EIF2S3B: variants seen among roughly 807,000 people sequenced by gnomAD.
EIF2S3B encodes the protein eukaryotic translation initiation factor 2 subunit gamma B, also known as eukaryotic translation initiation factor 2 subunit 3B.
A neutral mutation model predicts 26.4 loss-of-function variants in EIF2S3B; 16 were observed. That is an observed-to-expected ratio of 0.61 (90% CI 0.41 to 0.92). The LOEUF (loss-of-function observed/expected upper bound fraction) is 0.92, where lower values mean the gene tolerates loss of function less well. EIF2S3B is among the 40% of genes least tolerant of loss of function. The pLI is 0.00. For missense variants in EIF2S3B, 510 were observed against 575.5 expected (o/e 0.89, Z 1.16); for synonymous variants, 183 against 204.4 (o/e 0.90, Z 0.89).
intron 1 of EIF2S3B, among the ~76,000 whole-genome samples, chr12:10,515,056 AG>A (rs1864741012): frequency 6.6e-6 from 1 of 152,098 alleles, no homozygotes; most frequent in East Asian, 1.9e-4. Context: ...ATCAATTTCT[AG>A]CCACATTTTT....
downstream of EIF2S3B, among the ~76,000 whole-genome samples, chr12:10,510,268 G>GTTT (rs1864691463): frequency 6.6e-6 from 1 of 152,114 alleles, no homozygotes; most frequent in Non-Finnish European, 1.5e-5. Context: ...ATGTGCACCA[G>GTTT]TACTAAAGGT....
chr12:10,509,338 TG>T (rs1256025894), downstream of EIF2S3B, among the ~76,000 whole-genome samples: 2 of 152,212 alleles, frequency 1.3e-5, no homozygotes, highest in Non-Finnish European at 2.9e-5. Context: ...TACTGTCAGA[TG>T]GCTTGCAAAT....
At chr12:10,512,600 G>A (rs1864716125), downstream of EIF2S3B, among the ~76,000 whole-genome samples, 1 of 151,850 alleles carries the variant, frequency 6.6e-6, no homozygotes, top group Admixed American at 6.6e-5. Flanking sequence ...TCATCTTCTT[G>A]CTTGTCCTCC....
At position 10,506,182 on chromosome 12, in the gene EIF2S3B, C is replaced by G. The variant is rs774579466; in HGVS notation, c.280C>G (p.Pro94Ala). 1 of 1,564,410 alleles carries G rather than the reference C, an allele frequency of 6.4e-7. No individual in the cohort carries two copies. The highest frequency in any genetic ancestry group is 8.8e-7 in the Non-Finnish European group (1 of 1,134,750). ...TGCTAAGATTTATCAACTTGATGAC[C>G]CAAGTTGCCCTCGGCCAGAATGTTA... ...ANAKIYQLDD[P>A]SCPRPECYRS... Residue 94 changes from proline to alanine, a missense_variant, in exon 1 of 1, where the codon CCA becomes GCA. Coordinates refer to ENST00000538173, the MANE Select transcript of EIF2S3B (RefSeq NM_001357734.3).
intron 1 of EIF2S3B, among the ~76,000 whole-genome samples, chr12:10,518,774 A>G (rs1044066273): frequency 5.3e-5 from 8 of 151,710 alleles, no homozygotes; most frequent in Non-Finnish European, 1.2e-4. Flanking sequence ...TTCAAAGAGA[A>G]TAAAATACCT....
Position 10,507,462 on chromosome 12 carries a change from TCTC to T in EIF2S3B, c.*142_*144del. On this transcript the variant is annotated 3_prime_UTR_variant, in exon 1 of 1. Transcript: ENST00000538173. ...TTAGTAGGTAACGGTAAGGTTATTCTCTCTTTTTTTTTTTGGTTATGAAAACTT... is the reference window on the plus strand; with the variant it reads ...TTAGTAGGTAACGGTAAGGTTATTCTTTTTTTTTTTTGGTTATGAAAACTT... The T allele has an allele frequency of 7.2e-6, 7 of 970,266 alleles. No homozygotes were observed. Among genetic ancestry groups the T allele is most frequent in the Non-Finnish European group, 1.1e-5 (7 of 660,590 alleles). The allele number at this position is 970,266 out of a possible 1,614,324, so 60.1% of individuals were successfully genotyped here.
rs373191618 is a variant in EIF2S3B at position 10,519,174 on chromosome 12, T to G, written c.1309-3429T>G. 5.6e-3 allele frequency among the ~76,000 whole-genome samples: 854 copies of G among 151,708 alleles called. 5 individuals are homozygous for G. The highest frequency in any genetic ancestry group is 0.018 in the African/African-American group (759 of 41,098). Reference sequence around the variant, plus strand: ...ACCAAAACAGCGATATAGATCAATGTAACAGAACAGAGCCCTCAGAAATAA... The same window carrying G: ...ACCAAAACAGCGATATAGATCAATGGAACAGAACAGAGCCCTCAGAAATAA... On this transcript the variant is annotated intron_variant, in intron 1 of 1. Transcript: ENST00000322446.
downstream of EIF2S3B, among the ~76,000 whole-genome samples, chr12:10,511,944 T>C (rs1482375618): frequency 6.6e-6 from 1 of 151,734 alleles, no homozygotes; most frequent in African/African-American, 2.4e-5. Context: ...CAATTCTGCC[T>C]CTATTCACCA....
chr12:10,509,912 G>T (rs1591633920), downstream of EIF2S3B, among the ~76,000 whole-genome samples: 1 of 152,010 alleles, frequency 6.6e-6, no homozygotes, highest in Non-Finnish European at 1.5e-5. Context: ...ATTTTTCATT[G>T]TTATTTGCAT....
chr12:10,517,345 T>C (rs1591636180), intron 1 of EIF2S3B, among the ~76,000 whole-genome samples: 1 of 151,460 alleles, frequency 6.6e-6, no homozygotes, highest in South Asian at 2.1e-4. Context: ...CTTGGGAGGG[T>C]GTATGTGTCG....
At chr12:10,520,485 A>G (rs1055013639) in intron 1 of EIF2S3B, among the ~76,000 whole-genome samples, 2 of 150,074 alleles carry the variant, frequency 1.3e-5, no homozygotes, top group African/African-American at 4.9e-5. Flanking sequence ...CATTGTGCAC[A>G]TGTACCCTAA....
chr12:10,516,423 C>G (rs1864758167), intron 1 of EIF2S3B, among the ~76,000 whole-genome samples: 1 of 152,154 alleles, frequency 6.6e-6, no homozygotes, highest in East Asian at 1.9e-4. Context: ...GTGAGCATGA[C>G]AAAGCCCTCA....
chr12:10,517,205 T>C (rs369053648), intron 1 of EIF2S3B, among the ~76,000 whole-genome samples: 4 of 152,092 alleles, frequency 2.6e-5, no homozygotes, highest in East Asian at 1.9e-4. Flanking sequence ...CCTCCTTGTA[T>C]CTCTGGTAGA....
At chr12:10,510,043 ATC>A (rs1197234138), downstream of EIF2S3B, among the ~76,000 whole-genome samples, 2 of 152,164 alleles carry the variant, frequency 1.3e-5, no homozygotes, top group Non-Finnish European at 2.9e-5. Context: ...ACAGTAAGTC[ATC>A]TCTTTTCGAC....
intron 1 of EIF2S3B, among the ~76,000 whole-genome samples, chr12:10,515,073 C>G (rs78739659): frequency 0.031 from 4,690 of 152,096 alleles, 217 homozygotes; most frequent in African/African-American, 0.1. Flanking sequence ...TTTTTTATTA[C>G]CCAAGAACTA....
downstream of EIF2S3B, among the ~76,000 whole-genome samples, chr12:10,510,633 G>A (rs1476831038): frequency 1.3e-5 from 2 of 152,128 alleles, no homozygotes; most frequent in African/African-American, 4.8e-5. Context: ...ACTTCAGAAT[G>A]AATTACCAGA....
chr12:10,511,003 TA>T (rs1864699410), downstream of EIF2S3B, among the ~76,000 whole-genome samples: 1 of 152,026 alleles, frequency 6.6e-6, no homozygotes, highest in African/African-American at 2.4e-5. Flanking sequence ...CAATTAAATA[TA>T]ATATAGAAAA....
In EIF2S3B at chr12:10,519,329, C is replaced by A. The variant is rs548694941; in HGVS notation, c.1309-3274C>A. 1.3e-3 allele frequency among the ~76,000 whole-genome samples: 202 copies of A among 151,956 alleles called. 1 individual carries two copies. Among genetic ancestry groups the A allele is most frequent in the Middle Eastern group, 3.4e-3 (1 of 294 alleles). On this transcript the variant is annotated intron_variant, in intron 1 of 1. Transcript: ENST00000322446. ...ATATGTAGCAAGCTGAAACTGGATCCCTTCCTTACACCTTATACAAAAATT... is the reference window on the plus strand; with the variant it reads ...ATATGTAGCAAGCTGAAACTGGATCACTTCCTTACACCTTATACAAAAATT...
chr12:10,506,069 C>G lies in EIF2S3B; in HGVS notation c.167C>G (p.Thr56Arg). ...TIGHVAHGKS[T>R]VVKAISGVHT... is the part of the protein sequence containing the mutation. ...GGTCATGTAGCTCATGGGAAATCCA[C>G]AGTCGTCAAAGCTATTTCTGGAGTT... Residue 56 changes from threonine (T) to arginine (R), a missense_variant, in exon 1 of 1, where the codon ACA becomes AGA. Thr to Arg is a moderately conservative substitution (Grantham distance 71, BLOSUM62 -1). Coordinates refer to ENST00000538173, the MANE Select transcript of EIF2S3B (RefSeq NM_001357734.3). 1 of 1,601,340 alleles carries G rather than the reference C, an allele frequency of 6.2e-7. No homozygotes were observed. Among genetic ancestry groups the G allele is most frequent in the African/African-American group, 1.3e-5 (1 of 74,810 alleles).
Sources: gnomAD v4.1 joint callset for allele counts (sites outside exome capture counted in the v4.1 genomes callset) on GRCh38, gnomAD v4.1.1 for gene constraint, MANE v1.5 for transcripts, NCBI Gene and HGNC (gene_info 2026-07-23, HGNC 2026-07-21) for gene names.